Variants in DMD observed in about 807,000 individuals in gnomAD.
DMD encodes dystrophin.
Under a neutral mutation model 330.1 loss-of-function variants are expected in DMD, and 63 were observed. That is an observed-to-expected ratio of 0.19 (90% CI 0.16 to 0.24). DMD has a LOEUF of 0.24. DMD is among the 10% of genes least tolerant of loss of function. DMD has a pLI of 1.00. For synonymous variants in DMD, 1,223 were observed against 959.8 expected (o/e 1.27, Z -5.07); for missense variants, 3,344 against 2,684.1 (o/e 1.25, Z -5.43).
At chrX:32,206,794 A>G in intron 44 of DMD, 1 of 404,479 alleles carries the variant, frequency 2.5e-6, no homozygotes, top group South Asian at 2.8e-5. Context: ...TTTCTGTAAC[A>G]GTTGATATCT....
intron 2 of DMD, among the ~76,000 whole-genome samples, chrX:32,992,761 C>G (rs941884095): frequency 1.8e-5 from 2 of 109,333 alleles, no homozygotes; most frequent in African/African-American, 6.7e-5. Context: ...CAAAAATTAG[C>G]TGGGCATGGT....
intron 7 of DMD, among the ~76,000 whole-genome samples, chrX:32,721,263 T>C (rs1603265765): frequency 9.0e-6 from 1 of 111,000 alleles, no homozygotes; most frequent in Admixed American, 9.6e-5. Flanking sequence ...TATTTTTAAC[T>C]TTTTGAGGAA....
chrX:33,071,638 C>A (rs1184815402), intron 1 of DMD, among the ~76,000 whole-genome samples: 2 of 110,551 alleles, frequency 1.8e-5, no homozygotes, highest in African/African-American at 3.3e-5. Flanking sequence ...ATTTGAAGCC[C>A]AATCATTGTT....
intron 17 of DMD, among the ~76,000 whole-genome samples, chrX:32,538,568 T>C (rs1000777277): frequency 5.4e-5 from 6 of 111,037 alleles, no homozygotes; most frequent in Non-Finnish European, 9.4e-5. Flanking sequence ...TGTTTGGTGG[T>C]CTCTTCACAC....
chrX:31,284,859 CA>C (rs1569517153), intron 62 of DMD, among the ~76,000 whole-genome samples: 62 of 107,299 alleles, frequency 5.8e-4, no homozygotes, highest in Admixed American at 1.6e-3. Flanking sequence ...CACACACACA[CA>C]CACCCACACC....
At chrX:32,397,499 C>T (rs2098053409) in intron 30 of DMD, among the ~76,000 whole-genome samples, 1 of 111,429 alleles carries the variant, frequency 9.0e-6, no homozygotes, top group African/African-American at 3.3e-5. Context: ...ATCATCTTTC[C>T]ATTATATTAA....
At chrX:33,218,918 A>G (rs991095914) in intron 1 of DMD, among the ~76,000 whole-genome samples, 6 of 111,123 alleles carry the variant, frequency 5.4e-5, no homozygotes, top group Non-Finnish European at 7.5e-5. Flanking sequence ...TTTTTTGATT[A>G]CGATATTTTT....
chrX:32,538,952 G>A (rs1301650303), intron 17 of DMD, among the ~76,000 whole-genome samples: 4 of 110,538 alleles, frequency 3.6e-5, no homozygotes, highest in Non-Finnish European at 1.9e-5. Flanking sequence ...GCATTTCAAA[G>A]AAGGTCCCAG....
At chrX:31,562,109 A>G in intron 55 of DMD, among the ~76,000 whole-genome samples, 1 of 112,244 alleles carries the variant, frequency 8.9e-6, no homozygotes, top group East Asian at 2.8e-4. Flanking sequence ...TTTGAAAGAT[A>G]TCATCACCAT....
intron 16 of DMD, among the ~76,000 whole-genome samples, chrX:32,552,404 C>A (rs1358603380): frequency 1.8e-5 from 2 of 111,336 alleles, no homozygotes; most frequent in Non-Finnish European, 3.8e-5. Flanking sequence ...CTTCCTTACA[C>A]CATATACAAA....
At chrX:32,928,711 A>T (rs1259412035) in intron 2 of DMD, among the ~76,000 whole-genome samples, 4 of 112,100 alleles carry the variant, frequency 3.6e-5, no homozygotes. Context: ...TTAAAATATA[A>T]TTAAGCAACT....
At chrX:32,699,348 A>T in intron 7 of DMD, 55 bp from the exon 8 acceptor site, 3 of 949,211 alleles carry the variant, frequency 3.2e-6, no homozygotes, top group Non-Finnish European at 4.6e-6. Flanking sequence ...TTGAGACTCT[A>T]AAAGGATAAT....
At chrX:32,627,281 G>A (rs2058414205) in intron 11 of DMD, among the ~76,000 whole-genome samples, 1 of 101,338 alleles carries the variant, frequency 9.9e-6, no homozygotes, top group Non-Finnish European at 1.9e-5. Flanking sequence ...ATGCACAGAG[G>A]TAACATGGAG....
At chrX:31,806,260 G>A (rs370919944) in intron 50 of DMD, among the ~76,000 whole-genome samples, 2 of 111,171 alleles carry the variant, frequency 1.8e-5, no homozygotes, top group Admixed American at 9.6e-5. Context: ...GATTCAAATG[G>A]CATCCCCTAA....
At chrX:32,843,509 C>A (rs2080354979) in intron 4 of DMD, among the ~76,000 whole-genome samples, 1 of 112,130 alleles carries the variant, frequency 8.9e-6, no homozygotes, top group Non-Finnish European at 1.9e-5. Context: ...TTCATAAAAT[C>A]AGCCAATTAA....
intron 45 of DMD, among the ~76,000 whole-genome samples, chrX:31,941,753 A>G (rs2095006126): frequency 9.0e-6 from 1 of 110,845 alleles, no homozygotes; most frequent in African/African-American, 3.3e-5. Flanking sequence ...CACCTTTATA[A>G]TGAGTACCCA....
chrX:31,443,314 G>A (rs1306982108), intron 60 of DMD, among the ~76,000 whole-genome samples: 2 of 111,223 alleles, frequency 1.8e-5, no homozygotes, highest in African/African-American at 6.5e-5. Context: ...CAGTAACCAT[G>A]TTAGAGATGA....
intron 2 of DMD, among the ~76,000 whole-genome samples, chrX:32,966,991 C>T (rs771587170): frequency 3.6e-5 from 4 of 111,894 alleles, no homozygotes; most frequent in African/African-American, 1.3e-4. Context: ...GTTCATAATG[C>T]CACAGGCAGT....
intron 55 of DMD, among the ~76,000 whole-genome samples, chrX:31,548,431 A>G (rs907633946): frequency 8.9e-6 from 1 of 111,821 alleles, no homozygotes; most frequent in Non-Finnish European, 1.9e-5. Context: ...AGTAGTGAAA[A>G]TGTTGTTATA....
Sources: gnomAD v4.1 joint callset for allele counts (sites outside exome capture counted in the v4.1 genomes callset) on GRCh38, gnomAD v4.1.1 for gene constraint, MANE v1.5 for transcripts, NCBI Gene and HGNC (gene_info 2026-07-23, HGNC 2026-07-21) for gene names.